RAF1: variants seen among roughly 807,000 people sequenced by gnomAD.
The protein encoded by RAF1 is Raf-1 proto-oncogene, serine/threonine kinase, also known as RAF proto-oncogene serine/threonine-protein kinase.
A neutral mutation model predicts 81.1 loss-of-function variants in RAF1; 27 were observed. That is an observed-to-expected ratio of 0.33 (90% CI 0.25 to 0.46). The LOEUF (loss-of-function observed/expected upper bound fraction) is 0.46. RAF1 is among the 20% of genes least tolerant of loss of function. The pLI is 1.00. For synonymous variants in RAF1, 298 were observed against 294.0 expected (o/e 1.01, Z -0.14); for missense variants, 598 against 826.0 (o/e 0.72, Z 3.38).
chr3:12,604,324 TA>T, intron 6 of RAF1, 35 bp from the exon 7 acceptor site: 1 of 1,602,426 alleles, frequency 6.2e-7, no homozygotes. Context: ...GATTGGCACT[TA>T]GGCTTTCATA....
intron 1 of RAF1, among the ~76,000 whole-genome samples, chr3:12,634,409 C>G (rs528260840): frequency 1.3e-5 from 2 of 152,212 alleles, no homozygotes; most frequent in East Asian, 3.9e-4. Context: ...CCTCGGCCTC[C>G]CAAAATGCTG....
intron 1 of RAF1, among the ~76,000 whole-genome samples, chr3:12,641,653 G>A (rs1200456341): frequency 6.6e-6 from 1 of 151,626 alleles, no homozygotes; most frequent in Non-Finnish European, 1.5e-5. Context: ...CACCATATCC[G>A]GCTAATTTTT....
intron 1 of RAF1, among the ~76,000 whole-genome samples, chr3:12,651,047 T>C (rs1200756926): frequency 2.0e-5 from 3 of 152,242 alleles, no homozygotes; most frequent in Non-Finnish European, 4.4e-5. Flanking sequence ...CAGCCTTTCT[T>C]ATTACATAAC....
At chr3:12,653,703 C>A (rs947928118) in intron 1 of RAF1, among the ~76,000 whole-genome samples, 2 of 151,928 alleles carry the variant, frequency 1.3e-5, no homozygotes, top group African/African-American at 2.4e-5. Context: ...CATGCCATTG[C>A]ACTCCAGCCT....
chr3:12,655,391 T>C (rs1468617550), intron 1 of RAF1, among the ~76,000 whole-genome samples: 3 of 152,140 alleles, frequency 2.0e-5, no homozygotes, highest in Non-Finnish European at 4.4e-5. Flanking sequence ...CAGCCCAAGA[T>C]TGTTACTTTA....
At chr3:12,585,449 G>T in intron 15 of RAF1, 196 bp from the exon 15 acceptor site, 8 of 985,112 alleles carry the variant, frequency 8.1e-6, no homozygotes, top group Non-Finnish European at 9.6e-6. Context: ...AAAGGACCAA[G>T]ACCCAGCATT....
chr3:12,613,670 G>A (rs1253773931), intron 2 of RAF1, among the ~76,000 whole-genome samples: 1 of 152,172 alleles, frequency 6.6e-6, no homozygotes, highest in African/African-American at 2.4e-5. Context: ...CCAAACTAGG[G>A]CATAGTATGT....
chr3:12,588,366 TGTG>T (rs1303604176), intron 13 of RAF1: 1 of 152,198 alleles, frequency 6.6e-6, no homozygotes, highest in Non-Finnish European at 1.5e-5. Flanking sequence ...TTCTGAGAAA[TGTG>T]TTGTTAGCCA....
chr3:12,639,236 C>T (rs903284862), intron 1 of RAF1, among the ~76,000 whole-genome samples: 3 of 152,046 alleles, frequency 2.0e-5, no homozygotes, highest in Non-Finnish European at 4.4e-5. Context: ...ATAATAAGAG[C>T]TATTTATGAC....
intron 1 of RAF1, among the ~76,000 whole-genome samples, chr3:12,638,874 G>C (rs1199173756): frequency 6.6e-6 from 1 of 152,150 alleles, no homozygotes; most frequent in East Asian, 1.9e-4. Context: ...TACAAAAAAA[G>C]AAATGTAAAA....
intron 11 of RAF1, among the ~76,000 whole-genome samples, chr3:12,592,706 T>C (rs1164564313): frequency 1.3e-5 from 2 of 151,608 alleles, no homozygotes; most frequent in Admixed American, 6.6e-5. Context: ...CATTCCACTT[T>C]AGAGTGCTAT....
chr3:12,641,489 G>GT (rs2060183459), intron 1 of RAF1, among the ~76,000 whole-genome samples: 1 of 142,036 alleles, frequency 7.0e-6, no homozygotes, highest in African/African-American at 2.7e-5. Flanking sequence ...AATGTTTTTT[G>GT]GTTTTTTTTT....
chr3:12,602,514 G>A (rs2058892323), intron 8 of RAF1, among the ~76,000 whole-genome samples: 1 of 152,044 alleles, frequency 6.6e-6, no homozygotes, highest in Non-Finnish European at 1.5e-5. Flanking sequence ...ACCAAGCCCA[G>A]CTAATTTTTA....
At chr3:12,633,221 C>T (rs547382866) in intron 1 of RAF1, among the ~76,000 whole-genome samples, 1 of 152,162 alleles carries the variant, frequency 6.6e-6, no homozygotes, top group African/African-American at 2.4e-5. Flanking sequence ...CCCACAATGG[C>T]CTGTAATCCA....
chr3:12,598,096 A>G (rs948780823), intron 11 of RAF1, among the ~76,000 whole-genome samples: 4 of 148,258 alleles, frequency 2.7e-5, no homozygotes, highest in African/African-American at 7.5e-5. Context: ...TGAGCTCACT[A>G]CAACATTCGC....
chr3:12,596,081 C>T lies in RAF1; in HGVS notation c.1168+3610G>A, dbSNP rs151162800. Among the ~76,000 whole-genome samples, 462 of 152,042 alleles carry T rather than the reference C, an allele frequency of 3.0e-3. 3 individuals are homozygous for T. Among genetic ancestry groups the T allele is most frequent in the African/African-American group, 0.01 (430 of 41,466 alleles). The stretch of plus-strand genomic sequence containing the variant: ...AGAGACAGGGTCTCACTATGTTGTC[C>T]AGGCTGGTCTCGATCTCCTGGGCTA... On this transcript the variant is annotated intron_variant, in intron 11 of 17. Transcript: ENST00000442415.
At chr3:12,624,690 A>C (rs1026925501) in intron 1 of RAF1, among the ~76,000 whole-genome samples, 5 of 152,162 alleles carry the variant, frequency 3.3e-5, no homozygotes, top group African/African-American at 1.2e-4. Flanking sequence ...ATGTTGGAAA[A>C]GATCAATCAT....
chr3:12,663,331 T>G (rs1575700553), intron 1 of RAF1, among the ~76,000 whole-genome samples: 2 of 152,296 alleles, frequency 1.3e-5, no homozygotes, highest in African/African-American at 4.8e-5. Context: ...CCCCTGTGCC[T>G]TTGTGGTAGG....
chr3:12,605,996 C>A (rs1481180932), intron 6 of RAF1, among the ~76,000 whole-genome samples: 2 of 151,918 alleles, frequency 1.3e-5, no homozygotes, highest in African/African-American at 4.8e-5. Flanking sequence ...CAGTCAAAGT[C>A]ACTTTCCAGA....
Sources: allele counts gnomAD v4.1 joint callset (sites outside exome capture counted in the v4.1 genomes callset), GRCh38; gene constraint gnomAD v4.1.1; transcripts MANE v1.5; gene names NCBI Gene and HGNC (gene_info 2026-07-23, HGNC 2026-07-21).